The following FLNC variants were observed in gnomAD, a reference collection of about 807,000 sequenced individuals.
FLNC encodes the protein filamin C.
In FLNC, 91 loss-of-function variants were observed where a neutral mutation model predicts 254.3. That is an observed-to-expected ratio of 0.36 (90% confidence interval 0.30 to 0.43). FLNC has a LOEUF of 0.43. FLNC is among the 20% of genes least tolerant of loss of function. FLNC has a pLI of 1.00. For missense variants in FLNC, 2,853 were observed against 3,802.6 expected, an observed-to-expected ratio of 0.75 and a Z score of 6.57; for synonymous variants, 1,430 against 1,577.2, an observed-to-expected ratio of 0.91 and a Z score of 2.21.
At position 128,835,595 on chromosome 7, in the gene FLNC, A is replaced by G. The variant is rs1808064042; in HGVS notation, c.601+21A>G. The G allele has an allele frequency of 1.2e-6, 2 of 1,611,670 alleles. No homozygotes were observed. The highest frequency in any genetic ancestry group is 1.7e-5 in the Admixed American group (1 of 59,998). ...CCCCGGTGAGTGGGCCAGTGAGCAC[A>G]GCATGGAGCCCTTAGCTCCCAAAGA... On this transcript the variant is annotated intron_variant, in intron 2 of 47. Coordinates refer to ENST00000325888, the MANE Select transcript of FLNC (RefSeq NM_001458.5). The surrounding 1 kb of genome is among the most constrained non-coding windows in gnomAD (Gnocchi z 5.3).
At chr7:128,847,037 C>A in intron 24 of FLNC, 132 bp downstream of exon 24, 1 of 1,150,184 alleles carries the variant, frequency 8.7e-7, no homozygotes, top group Non-Finnish European at 1.2e-6. Flanking sequence ...TGGGTTGGGG[C>A]CGGAGCCCGG....
rs748620166 is a variant in FLNC at position 128,831,007 on chromosome 7, G to A, written c.352+18G>A. ...GTCCATAGGTCAGTGCCGGGGGCGAGGGCACGGGCGCTGCGGGGATAGGGT... is the reference window on the plus strand; with the variant it reads ...GTCCATAGGTCAGTGCCGGGGGCGAAGGCACGGGCGCTGCGGGGATAGGGT... On this transcript the variant is annotated intron_variant, in intron 1 of 47. Coordinates refer to ENST00000325888, the MANE Select transcript of FLNC (RefSeq NM_001458.5). The A allele has an allele frequency of 6.2e-6, 10 of 1,600,548 alleles. No homozygotes were observed. The highest frequency in any genetic ancestry group is 1.7e-5 in the Admixed American group (1 of 59,970).
In FLNC at chr7:128,852,886, C is replaced by G. The variant is rs751601686; in HGVS notation, c.6063C>G (p.Gly2021=). ...GEHVVSVRKS[G]KHVTNSPFKI... Reference sequence around the variant, plus strand: ...ACGTGGTGAGCGTGCGCAAGAGTGGCAAGCATGTCACCAACAGCCCCTTCA... The same window carrying G: ...ACGTGGTGAGCGTGCGCAAGAGTGGGAAGCATGTCACCAACAGCCCCTTCA... Residue 2021 remains glycine, a synonymous_variant, in exon 37 of 48, where the codon GGC becomes GGG. Coordinates refer to ENST00000325888, the MANE Select transcript of FLNC (RefSeq NM_001458.5). 1.9e-6 allele frequency: 3 copies of G among 1,613,678 alleles called. No homozygotes were observed. In the African/African-American group the frequency reaches 4.0e-5, roughly 22 times the overall value.
rs2291570 is a variant in FLNC, at chr7:128,854,251, C to T, written c.6727+35C>T. The T allele has an allele frequency of 6.1e-4, 983 of 1,604,090 alleles. 20 individuals are homozygous for T. The East Asian group carries it at 0.021, about 35-fold the overall frequency. On this transcript the variant is annotated intron_variant, in intron 40 of 47. Coordinates refer to ENST00000325888, the MANE Select transcript of FLNC (RefSeq NM_001458.5). ...GCACACTGGGCCGGCCGGGTCCTCACGGCGGGATGGGAGGGTGCTGCGGAC... is the reference window on the plus strand; with the variant it reads ...GCACACTGGGCCGGCCGGGTCCTCATGGCGGGATGGGAGGGTGCTGCGGAC...
At chr7:128,843,182 G>T in intron 16 of FLNC, 47 bp from the exon 17 acceptor site, 1 of 1,514,358 alleles carries the variant, frequency 6.6e-7, no homozygotes, top group Non-Finnish European at 9.0e-7. Context: ...CTGAGAGCAG[G>T]GGTGTGTTCC....
At position 128,838,209 on chromosome 7, in the gene FLNC, C is replaced by G. The variant is rs915576310; in HGVS notation, c.1048-58C>G. 10 of 1,575,800 alleles carry G rather than the reference C, an allele frequency of 6.3e-6. No homozygotes were observed. In the Admixed American group the frequency reaches 1.0e-4, roughly 16 times the overall value. ...CCCTCCTTGGCCTGGCTGTGCCCCT[C>G]TGCCCCCTCTCAGGACTGCTCTCCC... On this transcript the variant is annotated intron_variant, in intron 6 of 47. Coordinates refer to ENST00000325888, the MANE Select transcript of FLNC (RefSeq NM_001458.5).
In FLNC at chr7:128,840,579, G is replaced by A. The variant is rs267601277; in HGVS notation, c.1581G>A (p.Glu527=). Residue 527 remains glutamate, a synonymous_variant, in exon 10 of 48, where the codon GAG becomes GAA. Transcript: ENST00000325888. ...KGTEEPVKVR[E]AGDGVFECEY... is the part of the protein sequence containing the mutation. ...CAGAGGAGCCAGTGAAGGTGCGGGA[G>A]GCTGGGGATGGTGTGTTCGAGTGCG... 1 of 1,614,222 alleles carries A rather than the reference G, an allele frequency of 6.2e-7. No individual in the cohort carries two copies. The highest frequency in any genetic ancestry group is 8.5e-7 in the Non-Finnish European group (1 of 1,180,042).
rs374233889 is a variant in FLNC at position 128,842,782 on chromosome 7, G to A, written c.2390-12G>A. On this transcript the variant is annotated splice_polypyrimidine_tract_variant and intron_variant, in intron 15 of 47. Transcript: ENST00000325888. This position sits in a 1 kb window ranked among gnomAD's most constrained non-coding sequence, Gnocchi z 5.4. ...CTGAGCCCAACTCACAGCAGTGCCCGCTTCTCTGCAGGCGACGTGAGCATC... is the reference window on the plus strand; with the variant it reads ...CTGAGCCCAACTCACAGCAGTGCCCACTTCTCTGCAGGCGACGTGAGCATC... 376 of 1,613,090 alleles carry A rather than the reference G, an allele frequency of 2.3e-4. No individual in the cohort carries two copies. The highest frequency in any genetic ancestry group is 2.9e-4 in the Non-Finnish European group (339 of 1,179,860).
At chr7:128,850,103 TC>T in intron 31 of FLNC, 29 bp downstream of exon 31, 1 of 1,445,704 alleles carries the variant, frequency 6.9e-7, no homozygotes, top group Non-Finnish European at 9.4e-7. Context: ...GGCGATGTCC[TC>T]CTCCTCCTCC....
rs367600557 is a variant in FLNC at position 128,837,322 on chromosome 7, C to T, written c.699+65C>T. The T allele has an allele frequency of 1.3e-4, 205 of 1,611,454 alleles. 1 individual carries two copies. In the East Asian group the frequency reaches 2.6e-3, roughly 20 times the overall value. ...GCAGAGGTTGGGTCTGTAAGTTTAC[C>T]TGGCCAGGGTGCAGGGGGAGACTGG... On this transcript the variant is annotated intron_variant, in intron 3 of 47. Transcript: ENST00000325888.
Position 128,843,540 on chromosome 7 carries a change from A to T in FLNC, c.2774A>T (p.Asp925Val), listed in dbSNP as rs954890424. Residue 925 changes from aspartate (D) to valine (V), a missense_variant, in exon 18 of 48, where the codon GAC becomes GTC. Around this residue, in one of 10 missense-constraint regions of FLNC, gnomAD observed 1,573 missense variants for 1,883.5 expected, o/e 0.84. Coordinates refer to ENST00000325888, the MANE Select transcript of FLNC (RefSeq NM_001458.5). Reference protein sequence around the residue: ...VRDFEIIDNHDYSYTVKYTAV... With the variant: ...VRDFEIIDNHVYSYTVKYTAV... ...GACTTTGAGATCATAGACAACCATG[A>T]CTACTCCTACACTGTCAAGTACACC... The T allele has an allele frequency of 6.2e-7, 1 of 1,613,838 alleles. No homozygotes were observed. Among genetic ancestry groups the T allele is most frequent in the African/African-American group, 1.3e-5 (1 of 75,004 alleles).
At position 128,841,052 on chromosome 7, in the gene FLNC, T is replaced by G. The variant is rs1808311144; in HGVS notation, c.1813+82T>G. On this transcript the variant is annotated intron_variant, in intron 11 of 47. Transcript: ENST00000325888. The surrounding 1 kb of genome is among the most constrained non-coding windows in gnomAD (Gnocchi z 4.3). ...CTGTGGGTAATGGGTGCAGTGCGCATGCTGGGGAGCGCTGGGGTGAGCAGG... is the reference window on the plus strand; with the variant it reads ...CTGTGGGTAATGGGTGCAGTGCGCAGGCTGGGGAGCGCTGGGGTGAGCAGG... The G allele has an allele frequency of 2.9e-5, 45 of 1,566,192 alleles. No homozygotes were observed. Among genetic ancestry groups the G allele is most frequent in the Non-Finnish European group, 3.8e-5 (44 of 1,147,152 alleles).
At chr7:128,840,190 TG>T in intron 9 of FLNC, 30 bp downstream of exon 9, 2 of 1,611,692 alleles carry the variant, frequency 1.2e-6, no homozygotes. Flanking sequence ...GTCGTGAGGG[TG>T]GGGCTGGGGG....
chr7:128,835,262 A>G lies in FLNC; in HGVS notation c.353-64A>G. ...GCCCGAGGAGCTGCGCAGGTGAGGG[A>G]GGGTGCTCTGGGGCAGTGGAGGGTG... On this transcript the variant is annotated intron_variant, in intron 1 of 47. Transcript: ENST00000325888. This position sits in a 1 kb window ranked among gnomAD's most constrained non-coding sequence, Gnocchi z 5.3. 6.2e-7 allele frequency: 1 copy of G among 1,608,882 alleles called. No individual in the cohort carries two copies. The highest frequency in any genetic ancestry group is 8.5e-7 in the Non-Finnish European group (1 of 1,178,222).
At chr7:128,853,118 ACT>A in intron 37 of FLNC, 87 bp downstream of exon 37, 1 of 1,318,964 alleles carries the variant, frequency 7.6e-7, no homozygotes, top group South Asian at 1.2e-5. Flanking sequence ...CCTTGGCCGC[ACT>A]CTCTCCTCCC....
In FLNC at chr7:128,850,489, G is replaced by C. The variant is rs746415033; in HGVS notation, c.5398+6G>C. 60 of 1,604,760 alleles carry C rather than the reference G, an allele frequency of 3.7e-5. No homozygotes were observed. The highest frequency in any genetic ancestry group is 2.6e-5 in the Non-Finnish European group (31 of 1,172,342). On this transcript the variant is annotated splice_donor_region_variant and intron_variant, in intron 32 of 47. Transcript: ENST00000325888. Reference sequence around the variant, plus strand: ...GCAGAAAGGGGAGCTCACAGGTACTGCCCTGTGGCTCCCAGGCATGAGGGC... The same window carrying C: ...GCAGAAAGGGGAGCTCACAGGTACTCCCCTGTGGCTCCCAGGCATGAGGGC...
chr7:128,851,208 C>G, intron 33 of FLNC, 24 bp from the exon 34 acceptor site: 1 of 1,613,788 alleles, frequency 6.2e-7, no homozygotes, highest in Non-Finnish European at 8.5e-7. Flanking sequence ...GCTGACCCAG[C>G]CCCCTTTTTC....
At chr7:128,847,556 G>C in intron 24 of FLNC, 141 bp from the exon 25 acceptor site, 1 of 928,180 alleles carries the variant, frequency 1.1e-6, no homozygotes, top group African/African-American at 1.6e-5. Context: ...TTCTTAGCAA[G>C]TTCCTAGCCA....
rs1166268728 is a variant in FLNC at position 128,856,839 on chromosome 7, G to T, written c.7479G>T (p.Lys2493Asn). 1 of 1,614,134 alleles carries T rather than the reference G, an allele frequency of 6.2e-7. No individual in the cohort carries two copies. The highest frequency in any genetic ancestry group is 8.5e-7 in the Non-Finnish European group (1 of 1,180,054). The change falls in exon 45 of 48, where the codon AAG becomes AAT. Residue 2493 changes from lysine (K) to asparagine (N), a missense_variant. Coordinates refer to ENST00000325888, the MANE Select transcript of FLNC (RefSeq NM_001458.5). This position sits in a 1 kb window ranked among gnomAD's most constrained non-coding sequence, Gnocchi z 5.9. ...NGAHIPGSPF[K>N]IRVGEQSQAG... ...CCCACATCCCTGGAAGTCCCTTCAA[G>T]ATCCGCGTTGGGGAGCAGAGCCAGG...
Sources: allele counts gnomAD v4.1 joint callset, GRCh38; gene constraint gnomAD v4.1.1; regional missense constraint gnomAD v4.1.1; non-coding constraint Gnocchi (gnomAD v3.1); transcripts MANE v1.5; gene names NCBI Gene and HGNC (gene_info 2026-07-23, HGNC 2026-07-21).